The following SLC13A3 variants were observed in gnomAD, a reference collection of about 807,000 sequenced individuals.
SLC13A3 encodes Na(+)/dicarboxylate cotransporter 3.
Under a neutral mutation model 59.0 loss-of-function variants are expected in SLC13A3, and 40 were observed. The observed-to-expected ratio is 0.68, with a 90% confidence interval of 0.53 to 0.88. The LOEUF is 0.88. Ranked by LOEUF, SLC13A3 falls within the 40% of genes least tolerant of loss-of-function variation. The pLI is 0.00. For synonymous variants in SLC13A3, 317 were observed against 330.3 expected (o/e 0.96, Z 0.44); for missense variants, 699 against 783.2 (o/e 0.89, Z 1.28).
chr20:46,587,746 T>C (rs1037966648), intron 8 of SLC13A3, among the ~76,000 whole-genome samples: 1 of 152,224 alleles, frequency 6.6e-6, no homozygotes, highest in African/African-American at 2.4e-5. Flanking sequence ...ACATAATAGG[T>C]TCTCAATCAA....
chr20:46,607,330 G>A (rs2062445783), intron 3 of SLC13A3, among the ~76,000 whole-genome samples: 1 of 152,154 alleles, frequency 6.6e-6, no homozygotes, highest in African/African-American at 2.4e-5. Context: ...ATAGCTCCTA[G>A]GAACTTCCTT....
chr20:46,671,617 G>C (rs933468008), upstream of SLC13A3, among the ~76,000 whole-genome samples: 3 of 152,126 alleles, frequency 2.0e-5, no homozygotes, highest in African/African-American at 7.2e-5. Context: ...GATTTATTGG[G>C]AATAACACCT....
chr20:46,665,633 T>C (rs1416612226), intron 1 of SLC13A3, among the ~76,000 whole-genome samples: 2 of 152,270 alleles, frequency 1.3e-5, no homozygotes, highest in African/African-American at 4.8e-5. Context: ...CCTACTTTAT[T>C]ATTCAATCAT....
intron 9 of SLC13A3, among the ~76,000 whole-genome samples, chr20:46,581,664 A>G (rs968383504): frequency 6.6e-6 from 1 of 152,212 alleles, no homozygotes; most frequent in African/African-American, 2.4e-5. Flanking sequence ...AGGAGCAGAA[A>G]GTATGAGGGG....
intron 1 of SLC13A3, among the ~76,000 whole-genome samples, chr20:46,664,067 C>T (rs757073248): frequency 6.6e-5 from 10 of 152,136 alleles, no homozygotes; most frequent in Non-Finnish European, 8.8e-5. Flanking sequence ...TTCTCAACCC[C>T]GGCTGCACAT....
intron 1 of SLC13A3, among the ~76,000 whole-genome samples, chr20:46,616,032 A>T (rs2062550754): frequency 6.6e-6 from 1 of 152,240 alleles, no homozygotes; most frequent in Admixed American, 6.5e-5. Flanking sequence ...TATCCCAAGA[A>T]CCCAGGTTAT....
chr20:46,582,526 C>T, intron 9 of SLC13A3: 1 of 569,518 alleles, frequency 1.8e-6, no homozygotes, highest in African/African-American at 2.0e-5. Context: ...TCACTGGAGC[C>T]CAAGAGTTCG....
intron 1 of SLC13A3, among the ~76,000 whole-genome samples, chr20:46,641,838 T>C (rs2062848209): frequency 6.6e-6 from 1 of 152,170 alleles, no homozygotes; most frequent in East Asian, 1.9e-4. Flanking sequence ...CATTCCTTCA[T>C]ATGTGAAACA....
intron 2 of SLC13A3, among the ~76,000 whole-genome samples, chr20:46,613,028 T>C (rs1215944232): frequency 6.6e-6 from 1 of 152,166 alleles, no homozygotes; most frequent in Non-Finnish European, 1.5e-5. Flanking sequence ...CACTAAACTC[T>C]ATGAGGTGGG....
In SLC13A3 at chr20:46,581,933, G is replaced by C. The variant is rs2062142861; in HGVS notation, c.1219+1639C>G. Among the ~76,000 whole-genome samples the C allele has an allele frequency of 4.6e-5, 7 of 152,256 alleles. No homozygotes were observed. The South Asian group carries it at 1.5e-3, about 32-fold the overall frequency. ...TCCTGTTCAACTGCAGAGTACGCAGGCCCACAGCTAAGCCTCCTTAGACCC... is the reference window on the plus strand; with the variant it reads ...TCCTGTTCAACTGCAGAGTACGCAGCCCCACAGCTAAGCCTCCTTAGACCC... On this transcript the variant is annotated intron_variant, in intron 9 of 12. Coordinates refer to ENST00000279027, the MANE Select transcript of SLC13A3 (RefSeq NM_022829.6).
intron 1 of SLC13A3, among the ~76,000 whole-genome samples, chr20:46,666,966 C>A (rs1290745213): frequency 6.6e-6 from 1 of 151,972 alleles, no homozygotes; most frequent in African/African-American, 2.4e-5. Context: ...AATTTGAGGC[C>A]AAAATCTGAA....
rs1555878125 is a variant in SLC13A3, at chr20:46,600,315, GAAGGAAGGA to G, written c.542-287_542-279del. On this transcript the variant is annotated intron_variant, in intron 3 of 12. Transcript: ENST00000279027. ...GGAAAGAAAGAAAGAAAGAAAGAGG[GAAGGAAGGA>G]AAGGAAGGAAGGAAGGAAAGGAAAA... is the stretch of plus-strand genomic sequence containing the variant. Among the ~76,000 whole-genome samples the G allele has an allele frequency of 4.2e-3, 546 of 129,716 alleles. 1 individual carries two copies. The highest frequency in any genetic ancestry group is 6.2e-3 in the Non-Finnish European group (380 of 61,570). 85.1% of individuals were successfully genotyped at this position (129,716 alleles called of 152,430 possible).
At position 46,649,015 on chromosome 20, in the gene SLC13A3, C is replaced by T. The variant is rs6094415; in HGVS notation, c.111+2296G>A. The stretch of plus-strand genomic sequence containing the variant: ...TCTGGCTTTGCAGCAGCTGTGTAAC[C>T]TTAGGCAAGTCACCTAACCCCGCTG... On this transcript the variant is annotated intron_variant, in intron 1 of 12. Transcript: ENST00000279027. Among the ~76,000 whole-genome samples, 489 of 152,088 alleles carry T rather than the reference C, an allele frequency of 3.2e-3. 6 individuals are homozygous for T. Among genetic ancestry groups the T allele is most frequent in the African/African-American group, 0.011 (455 of 41,474 alleles).
intron 10 of SLC13A3, among the ~76,000 whole-genome samples, chr20:46,575,049 G>T (rs1437094284): frequency 9.2e-5 from 14 of 152,048 alleles, no homozygotes; most frequent in Admixed American, 8.5e-4. Context: ...GCTGAGGTGA[G>T]AGAATTGATT....
rs541362258 is a variant in SLC13A3 at position 46,626,516 on chromosome 20, G to A, written c.112-12791C>T. Among the ~76,000 whole-genome samples the A allele has an allele frequency of 6.6e-5, 10 of 152,234 alleles. No individual in the cohort carries two copies. In the South Asian group the frequency reaches 2.1e-3, roughly 32 times the overall value. On this transcript the variant is annotated intron_variant, in intron 1 of 12. Transcript: ENST00000279027. ...CACTTGGGGTTTTGGCAGCAAGTAGGTCAAGAGTGTGTTTTATTACCTTGC... is the reference window on the plus strand; with the variant it reads ...CACTTGGGGTTTTGGCAGCAAGTAGATCAAGAGTGTGTTTTATTACCTTGC...
At chr20:46,670,118 T>A (rs2063082586) in exon 1 of SLC13A3, 1 of 152,184 alleles carries the variant, frequency 6.6e-6, no homozygotes, top group African/African-American at 2.4e-5. Flanking sequence ...TGTAGCTTCC[T>A]TTGGACCTTA....
At chr20:46,604,692 G>T (rs1226232500) in intron 3 of SLC13A3, among the ~76,000 whole-genome samples, 2 of 152,154 alleles carry the variant, frequency 1.3e-5, no homozygotes, top group Non-Finnish European at 2.9e-5. Flanking sequence ...CCCTGCAGGG[G>T]CCTGAAGATG....
intron 4 of SLC13A3, among the ~76,000 whole-genome samples, chr20:46,599,643 C>A (rs1428022436): frequency 1.3e-5 from 2 of 152,180 alleles, no homozygotes; most frequent in Non-Finnish European, 2.9e-5. Context: ...CTGCCTGCAA[C>A]CCTCTCCTCC....
At chr20:46,660,624 A>G (rs1021170159) in intron 1 of SLC13A3, among the ~76,000 whole-genome samples, 10 of 151,980 alleles carry the variant, frequency 6.6e-5, no homozygotes, top group African/African-American at 1.9e-4. Context: ...TGTTTCCCTT[A>G]TATTTATTTA....
Sources: gnomAD v4.1 joint callset for allele counts (sites outside exome capture counted in the v4.1 genomes callset) on GRCh38, gnomAD v4.1.1 for gene constraint, MANE v1.5 for transcripts, NCBI Gene and HGNC (gene_info 2026-07-23, HGNC 2026-07-21) for gene names.